ATP13A5: variants seen among roughly 807,000 people sequenced by gnomAD.
The protein encoded by ATP13A5 is probable cation-transporting ATPase 13A5.
In ATP13A5, 149 loss-of-function variants were observed where a neutral mutation model predicts 150.2. The ratio of observed to expected loss-of-function variants is 0.99; its 90% confidence interval spans 0.87 to 1.14. The LOEUF is 1.14. ATP13A5 is among the 50% of genes most tolerant of loss of function. The pLI, the probability that ATP13A5 is intolerant of heterozygous loss-of-function variation, is 0.00. For missense variants in ATP13A5, 1,383 were observed against 1,449.3 expected (o/e 0.95, Z 0.74); for synonymous variants, 497 against 522.2 (o/e 0.95, Z 0.66).
chr3:193,345,134 A>G (rs1057110054), intron 7 of ATP13A5, 59 bp from the exon 8 acceptor site: 4 of 1,478,582 alleles, frequency 2.7e-6, no homozygotes, highest in Non-Finnish European at 2.8e-6. Context: ...AAACCACATG[A>G]TCTCATTACA....
In ATP13A5 at chr3:193,337,498, T is replaced by C. The variant is rs28761002; in HGVS notation, c.944-2399A>G. 7.6e-3 allele frequency among the ~76,000 whole-genome samples: 1,154 copies of C among 152,266 alleles called. 13 individuals are homozygous for C. The highest frequency in any genetic ancestry group is 0.026 in the African/African-American group (1,084 of 41,554). ...AGCACCATTTATTAAATAGGGAATC[T>C]TTTCCCCATTTCTTGTTTTTGTCAG... On this transcript the variant is annotated intron_variant, in intron 9 of 29. Transcript: ENST00000342358.
intron 1 of ATP13A5, among the ~76,000 whole-genome samples, chr3:193,370,577 A>G (rs1468796294): frequency 6.6e-6 from 1 of 152,202 alleles, no homozygotes; most frequent in Non-Finnish European, 1.5e-5. Context: ...TGATGCCTTA[A>G]TTTCCTCCTC....
At chr3:193,357,174 CT>C (rs1442499939) in intron 5 of ATP13A5, among the ~76,000 whole-genome samples, 1 of 152,118 alleles carries the variant, frequency 6.6e-6, no homozygotes, top group African/African-American at 2.4e-5. Context: ...AGTGTCTGAC[CT>C]AGAGGATATT....
intron 1 of ATP13A5, among the ~76,000 whole-genome samples, chr3:193,374,899 T>C (rs1326256440): frequency 6.6e-6 from 1 of 152,170 alleles, no homozygotes; most frequent in East Asian, 1.9e-4. Flanking sequence ...GGGACCCCTC[T>C]TACTCTCCTG....
Position 193,285,039 on chromosome 3 carries a change from A to G in ATP13A5, c.3101T>C (p.Leu1034Pro), listed in dbSNP as rs188934438. 4 of 1,614,142 alleles carry G rather than the reference A, an allele frequency of 2.5e-6. No individual in the cohort carries two copies. In the East Asian group the frequency reaches 8.9e-5, roughly 36 times the overall value. The change falls in exon 27 of 30, where the codon CTG (leucine) becomes CCG (proline). Residue 1034 changes from leucine to proline, a missense_variant. Transcript: ENST00000342358. ...LERNWTGNAT[L>P]IPGSILSFET... is the part of the protein sequence containing the mutation. ...AAAACTTAAAATTGAACCAGGAATC[A>G]GAGTTGCATTTCCAGTCCAGTTTCT...
intron 12 of ATP13A5, 74 bp downstream of exon 12, chr3:193,331,049 A>G (rs531834711): frequency 2.9e-4 from 425 of 1,476,318 alleles, no homozygotes; most frequent in Middle Eastern, 7.2e-4. Context: ...TGGACTAGAC[A>G]TTTTCTGAGG....
chr3:193,331,175 G>A lies in ATP13A5; in HGVS notation c.1409C>T (p.Ser470Phe). ...CCCACACATGTTGATTCTCTGTGGG[G>A]AGATACAGAAGATTTTCTTTTTCTT... is the stretch of plus-strand genomic sequence containing the variant. ...RLKKKKIFCISPQRINMCGQI... is the reference protein window; with the variant it reads ...RLKKKKIFCIFPQRINMCGQI... Residue 470 changes from serine to phenylalanine, a missense_variant, in exon 12 of 30, where the codon TCC becomes TTC. Transcript: ENST00000342358. 6.2e-7 allele frequency: 1 copy of A among 1,614,072 alleles called. No homozygotes were observed. The highest frequency in any genetic ancestry group is 2.2e-5 in the East Asian group (1 of 44,868).
At chr3:193,287,904 G>A (rs1490048014) in intron 26 of ATP13A5, among the ~76,000 whole-genome samples, 4 of 152,098 alleles carry the variant, frequency 2.6e-5, no homozygotes, top group Admixed American at 6.6e-5. Flanking sequence ...ATGGGAGAAG[G>A]TAAAAACATC....
intron 24 of ATP13A5, among the ~76,000 whole-genome samples, chr3:193,299,678 C>T (rs1718326481): frequency 6.6e-6 from 1 of 152,132 alleles, no homozygotes; most frequent in Non-Finnish European, 1.5e-5. Flanking sequence ...GGCTCCTACC[C>T]TAAGTAAGCC....
chr3:193,325,110 T>C (rs1719424466), intron 13 of ATP13A5, 96 bp from the exon 14 acceptor site: 1 of 1,263,946 alleles, frequency 7.9e-7, no homozygotes, highest in South Asian at 1.4e-5. Context: ...CACCTAACGT[T>C]CATGCTCAGA....
intron 20 of ATP13A5, 40 bp downstream of exon 20, chr3:193,311,776 T>C: frequency 6.2e-7 from 1 of 1,609,976 alleles, no homozygotes; most frequent in East Asian, 2.2e-5. Context: ...CCTCGCTGAT[T>C]TGAGGAGCAA....
intron 5 of ATP13A5, among the ~76,000 whole-genome samples, chr3:193,357,431 C>T (rs1328958530): frequency 6.6e-6 from 1 of 152,128 alleles, no homozygotes; most frequent in African/African-American, 2.4e-5. Flanking sequence ...GCTGCTGTGT[C>T]TCTTCTACTG....
At position 193,331,239 on chromosome 3, in the gene ATP13A5, C is replaced by A. The variant is rs1243618007; in HGVS notation, c.1345G>T (p.Ala449Ser). Reference protein sequence around the residue: ...TVTVPPVLPAALTIGNVYAQK... With the variant: ...TVTVPPVLPASLTIGNVYAQK... ...GCATACACGTTGCCTATGGTCAGGG[C>A]AGCTGGCAGCACTGGAGGGACAGTC... The change falls in exon 12 of 30, where the codon GCC becomes TCC. Residue 449 changes from alanine to serine, a missense_variant. This residue lies in a region of ATP13A5 where 787 missense variants were observed against 771.9 expected (regional missense o/e 1.02). Transcript: ENST00000342358. 8.1e-6 allele frequency: 13 copies of A among 1,614,080 alleles called. No homozygotes were observed. Among genetic ancestry groups the A allele is most frequent in the African/African-American group, 2.7e-5 (2 of 75,038 alleles).
At chr3:193,374,569 T>C (rs13099089) in intron 1 of ATP13A5, among the ~76,000 whole-genome samples, 38,184 of 150,742 alleles carry the variant, frequency 0.25, 4,825 homozygotes, top group South Asian at 0.31. Context: ...TGCTTGTGCC[T>C]GGGAGATTGA....
chr3:193,376,954 T>C (rs534652821), intron 1 of ATP13A5, among the ~76,000 whole-genome samples: 219 of 152,286 alleles, frequency 1.4e-3, no homozygotes, highest in African/African-American at 5.1e-3. Flanking sequence ...CACAATGAGT[T>C]AAGCTTACTT....
At chr3:193,277,676 GTAAAGGGTTGTTTGGAT>G (rs1717285449) in intron 28 of ATP13A5, 1 of 152,168 alleles carries the variant, frequency 6.6e-6, no homozygotes, top group Admixed American at 6.5e-5. Context: ...ACAGCAAATT[GTAAAGGGTTGTTTGGAT>G]TAAAGGGTTG....
At position 193,289,957 on chromosome 3, in the gene ATP13A5, G is replaced by A. The variant is rs1275074831; in HGVS notation, c.2951C>T (p.Ser984Phe). 4 of 1,612,826 alleles carry A rather than the reference G, an allele frequency of 2.5e-6. No individual in the cohort carries two copies. The highest frequency in any genetic ancestry group is 3.4e-6 in the Non-Finnish European group (4 of 1,179,284). Residue 984 changes from serine to phenylalanine, a missense_variant, in exon 26 of 30, where the codon TCC becomes TTC. By Grantham distance (155) the Ser-to-Phe change is radical (BLOSUM62 -2). Coordinates refer to ENST00000342358, the MANE Select transcript of ATP13A5 (RefSeq NM_198505.4). ...LLSIFLNSCFSCIVQISAFLY... is the reference protein window; with the variant it reads ...LLSIFLNSCFFCIVQISAFLY... Reference sequence around the variant, plus strand: ...AAATGCACTGATCTGCACAATGCAGGAGAAACAGGAATTCAAAAATATTGA... The same window carrying A: ...AAATGCACTGATCTGCACAATGCAGAAGAAACAGGAATTCAAAAATATTGA...
rs992842867 is a variant in ATP13A5, at chr3:193,309,851, AT to A, written c.2525+786del. 9.0e-4 allele frequency among the ~76,000 whole-genome samples: 137 copies of A among 151,824 alleles called. 1 individual carries two copies. The highest frequency in any genetic ancestry group is 2.2e-3 in the African/African-American group (92 of 41,400). On this transcript the variant is annotated intron_variant, in intron 21 of 29. Transcript: ENST00000342358. ...TTTCCCCACTCAAGCCAGTGCTTGAATTTTTTTTTAATCCCCTTTTTTAAAC... is the reference window on the plus strand; with the variant it reads ...TTTCCCCACTCAAGCCAGTGCTTGAATTTTTTTTAATCCCCTTTTTTAAAC...
intron 19 of ATP13A5, chr3:193,312,561 T>C (rs1718897299): frequency 6.6e-6 from 1 of 152,238 alleles, no homozygotes; most frequent in Non-Finnish European, 1.5e-5. Flanking sequence ...GGCTTGGTTC[T>C]AGCCCTCCCT....
Sources: allele counts gnomAD v4.1 joint callset (sites outside exome capture counted in the v4.1 genomes callset), GRCh38; gene constraint gnomAD v4.1.1; regional missense constraint gnomAD v4.1.1; transcripts MANE v1.5; gene names NCBI Gene and HGNC (gene_info 2026-07-23, HGNC 2026-07-21).